WIPF1: variants seen among roughly 807,000 people sequenced by gnomAD.
The protein encoded by WIPF1 is WAS/WASL interacting protein family member 1, also known as WAS/WASL-interacting protein family member 1.
Under a neutral mutation model 35.4 loss-of-function variants are expected in WIPF1, and 13 were observed. The observed-to-expected ratio is 0.37, with a 90% CI of 0.24 to 0.58. The LOEUF is 0.58. Among genes scored for constraint, WIPF1 ranks in the 20% least tolerant of loss-of-function variants. The probability of loss-of-function intolerance (pLI) is 0.74; values close to 1 mark genes in which losing one functional copy is unlikely to be tolerated. For synonymous variants in WIPF1, 267 were observed against 266.3 expected (o/e 1.00, Z -0.02); for missense variants, 591 against 667.0 (o/e 0.89, Z 1.25).
chr2:174,611,426 A>G lies in WIPF1; in HGVS notation c.-38-25815T>C, dbSNP rs146974252. Among the ~76,000 whole-genome samples, 591 of 152,338 alleles carry G rather than the reference A, an allele frequency of 3.9e-3. 3 individuals carry two copies. The Middle Eastern group carries it at 0.041, about 11-fold the overall frequency. The stretch of plus-strand genomic sequence containing the variant: ...TGATATATTGCTAGGCCAGCCCACA[A>G]AAGTATATTTAGTTCATAATGTCAC... On this transcript the variant is annotated intron_variant, in intron 1 of 8. Transcript: ENST00000272746.
chr2:174,620,675 G>A (rs1200115563), intron 1 of WIPF1, among the ~76,000 whole-genome samples: 2 of 152,182 alleles, frequency 1.3e-5, no homozygotes, highest in Non-Finnish European at 2.9e-5. Context: ...GTAAAAGGGG[G>A]CAGAGTACCA....
chr2:174,581,282 C>T (rs1001176091), intron 3 of WIPF1, 28 bp downstream of exon 3: 1 of 1,613,048 alleles, frequency 6.2e-7, no homozygotes, highest in Non-Finnish European at 8.5e-7. Flanking sequence ...CTGTTCCTCT[C>T]CATGGTAGAT....
At chr2:174,593,062 C>T (rs371074875) in intron 1 of WIPF1, among the ~76,000 whole-genome samples, 6 of 145,286 alleles carry the variant, frequency 4.1e-5, no homozygotes, top group East Asian at 4.0e-4. Context: ...CAAAAATATA[C>T]AAAGATGAAA....
chr2:174,629,859 C>T (rs1469938058), intron 1 of WIPF1: 3 of 152,192 alleles, frequency 2.0e-5, no homozygotes, highest in Non-Finnish European at 4.4e-5. Flanking sequence ...CAAATCTATC[C>T]ATTGTTGGCC....
intron 1 of WIPF1, among the ~76,000 whole-genome samples, chr2:174,656,880 C>G (rs1265831512): frequency 6.6e-6 from 1 of 152,204 alleles, no homozygotes; most frequent in Non-Finnish European, 1.5e-5. Context: ...TTTATACAGA[C>G]AGTTAATGAC....
At chr2:174,659,032 G>T (rs1353642553) in intron 1 of WIPF1, among the ~76,000 whole-genome samples, 1 of 152,054 alleles carries the variant, frequency 6.6e-6, no homozygotes, top group African/African-American at 2.4e-5. Flanking sequence ...TGAGGATCTA[G>T]TAAGATAAAT....
intron 1 of WIPF1, among the ~76,000 whole-genome samples, chr2:174,642,095 G>T (rs1687307674): frequency 6.6e-6 from 1 of 151,962 alleles, no homozygotes; most frequent in African/African-American, 2.4e-5. Context: ...ATTCATAAAT[G>T]ACCACTTTAT....
chr2:174,674,066 T>C (rs527288488), intron 1 of WIPF1, among the ~76,000 whole-genome samples: 224 of 152,332 alleles, frequency 1.5e-3, no homozygotes, highest in Middle Eastern at 3.4e-3. Context: ...TGTGCAGCTG[T>C]TTCTGATTAA....
At chr2:174,584,084 G>T (rs997449685) in intron 2 of WIPF1, among the ~76,000 whole-genome samples, 1 of 152,072 alleles carries the variant, frequency 6.6e-6, no homozygotes, top group Non-Finnish European at 1.5e-5. Context: ...CAAAGTGCAC[G>T]CCTGGCCAAG....
intron 1 of WIPF1, among the ~76,000 whole-genome samples, chr2:174,644,838 A>C (rs539800695): frequency 6.6e-6 from 1 of 152,372 alleles, no homozygotes; most frequent in East Asian, 1.9e-4. Context: ...GTAGTAAACA[A>C]GAATTCACAA....
chr2:174,664,131 T>C (rs1687837212), intron 1 of WIPF1, among the ~76,000 whole-genome samples: 1 of 148,972 alleles, frequency 6.7e-6, no homozygotes, highest in South Asian at 2.1e-4. Flanking sequence ...CCTCTGTCCC[T>C]CTCTCTCACA....
At chr2:174,646,544 T>C (rs1276140255) in intron 1 of WIPF1, among the ~76,000 whole-genome samples, 3 of 152,214 alleles carry the variant, frequency 2.0e-5, no homozygotes, top group Non-Finnish European at 2.9e-5. Flanking sequence ...ACTGTTACTA[T>C]TGTAGGTGGA....
At chr2:174,670,833 T>C (rs1688000771) in intron 1 of WIPF1, among the ~76,000 whole-genome samples, 1 of 152,212 alleles carries the variant, frequency 6.6e-6, no homozygotes, top group Admixed American at 6.5e-5. Flanking sequence ...GCCATCATAG[T>C]GAATGCCCTC....
chr2:174,632,092 T>C (rs1431827755), intron 1 of WIPF1, among the ~76,000 whole-genome samples: 1 of 152,224 alleles, frequency 6.6e-6, no homozygotes, highest in African/African-American at 2.4e-5. Context: ...CTCTTTCCAC[T>C]TTGACCTTTA....
intron 1 of WIPF1, among the ~76,000 whole-genome samples, chr2:174,589,695 A>G (rs1245869658): frequency 6.6e-6 from 1 of 152,230 alleles, no homozygotes; most frequent in Non-Finnish European, 1.5e-5. Flanking sequence ...TTTGATTATG[A>G]ATGCAGGCCA....
intron 7 of WIPF1, among the ~76,000 whole-genome samples, chr2:174,563,790 A>G (rs1483872567): frequency 1.3e-5 from 2 of 152,192 alleles, no homozygotes. Flanking sequence ...TCTGAGACTC[A>G]GTGGGCTGGA....
At chr2:174,653,008 T>C (rs1030515966) in intron 1 of WIPF1, among the ~76,000 whole-genome samples, 4 of 152,172 alleles carry the variant, frequency 2.6e-5, no homozygotes, top group Middle Eastern at 3.2e-3. Flanking sequence ...CTGTAGCTAA[T>C]AACAAACATA....
At chr2:174,661,214 G>A (rs538227704) in intron 1 of WIPF1, among the ~76,000 whole-genome samples, 1 of 152,360 alleles carries the variant, frequency 6.6e-6, no homozygotes, top group Admixed American at 6.5e-5. Context: ...GGGCAGGCAG[G>A]TGTGAGGCCA....
intron 1 of WIPF1, among the ~76,000 whole-genome samples, chr2:174,648,077 G>T (rs1209653111): frequency 6.6e-6 from 1 of 152,218 alleles, no homozygotes; most frequent in African/African-American, 2.4e-5. Context: ...TTATGATTCA[G>T]ATTTTGAAAT....
Sources: allele counts gnomAD v4.1 joint callset (sites outside exome capture counted in the v4.1 genomes callset), GRCh38; gene constraint gnomAD v4.1.1; transcripts MANE v1.5; gene names NCBI Gene and HGNC (gene_info 2026-07-23, HGNC 2026-07-21).